Variants in IPO7 observed in about 807,000 individuals in gnomAD.
The protein encoded by IPO7 is importin 7, also known as importin-7.
Under a neutral mutation model 136.4 loss-of-function variants are expected in IPO7, and 13 were observed. The observed-to-expected ratio is 0.10, with a 90% confidence interval of 0.06 to 0.15. The LOEUF is 0.15. Ranked by LOEUF, IPO7 falls within the 10% of genes least tolerant of loss-of-function variation. The probability of loss-of-function intolerance (pLI) is 1.00; values close to 1 mark genes in which losing one functional copy is unlikely to be tolerated. For synonymous variants in IPO7, 403 were observed against 404.4 expected (o/e 1.00, Z 0.04); for missense variants, 857 against 1,240.6 (o/e 0.69, Z 4.65).
chr11:9,418,353 G>A (rs1244764899), intron 6 of IPO7, among the ~76,000 whole-genome samples: 1 of 152,126 alleles, frequency 6.6e-6, no homozygotes, highest in African/African-American at 2.4e-5. Context: ...ACAGGTGTGA[G>A]CCACCGTGCC....
chr11:9,436,286 G>T lies in IPO7; in HGVS notation c.2188G>T (p.Ala730Ser). Residue 730 changes from alanine to serine, a missense_variant, in exon 20 of 25, where the codon GCA (alanine) becomes TCA (serine). Ala to Ser is a moderately conservative substitution (Grantham distance 99). Around this residue, in one of 11 missense-constraint regions of IPO7, gnomAD observed 190 missense variants for 249.0 expected, o/e 0.76. Transcript: ENST00000379719. ...SMCKKVLTGV[A>S]GEDAECHAAK... The stretch of plus-strand genomic sequence containing the variant: ...TTTTGATCAGGTTCTTACAGGAGTT[G>T]CAGGAGAAGATGCAGAGTGTCATGC... 2 of 1,612,990 alleles carry T rather than the reference G, an allele frequency of 1.2e-6. No individual in the cohort carries two copies.
chr11:9,406,731 G>T (rs564720493), intron 2 of IPO7, among the ~76,000 whole-genome samples: 6 of 152,060 alleles, frequency 3.9e-5, no homozygotes, highest in Middle Eastern at 3.4e-3. Context: ...AAATTAGCCG[G>T]GTGGTAGTGG....
intron 1 of IPO7, among the ~76,000 whole-genome samples, chr11:9,402,156 C>CT (rs1051873213): frequency 6.6e-6 from 1 of 152,078 alleles, no homozygotes; most frequent in African/African-American, 2.4e-5. Context: ...AATCCCAACA[C>CT]TTTGGGAGGC....
intron 19 of IPO7, among the ~76,000 whole-genome samples, chr11:9,435,934 G>A (rs182404509): frequency 3.3e-5 from 5 of 152,268 alleles, no homozygotes; most frequent in African/African-American, 1.2e-4. Flanking sequence ...CGTGAGAAAG[G>A]TTAGGTGTTT....
At chr11:9,443,833 T>G (rs951913678) in intron 24 of IPO7, among the ~76,000 whole-genome samples, 2 of 149,228 alleles carry the variant, frequency 1.3e-5, no homozygotes, top group Non-Finnish European at 3.0e-5. Flanking sequence ...GTGGGAGGTG[T>G]AGGTTATAGT....
chr11:9,421,086 C>T (rs565223174), intron 8 of IPO7, among the ~76,000 whole-genome samples: 5 of 152,010 alleles, frequency 3.3e-5, no homozygotes, highest in East Asian at 2.0e-4. Flanking sequence ...ATCAGCCTCC[C>T]GAGTAGCTGG....
intron 1 of IPO7, among the ~76,000 whole-genome samples, chr11:9,402,401 A>G (rs1854812159): frequency 6.3e-5 from 2 of 31,562 alleles, no homozygotes; most frequent in Non-Finnish European, 1.8e-4. Flanking sequence ...CTGTGTCTCA[A>G]AAAAAAAAAA....
intron 1 of IPO7, among the ~76,000 whole-genome samples, chr11:9,387,898 A>C (rs1854573823): frequency 6.6e-6 from 1 of 151,196 alleles, no homozygotes; most frequent in Non-Finnish European, 1.5e-5. Flanking sequence ...CTGGAATTCC[A>C]GCACTTTGGG....
intron 22 of IPO7, 63 bp downstream of exon 22, chr11:9,438,348 C>A (rs758383282): frequency 2.8e-6 from 3 of 1,063,130 alleles, no homozygotes; most frequent in Non-Finnish European, 4.3e-6. Context: ...CGCACTGGGC[C>A]GGGCGCAGTG....
In IPO7 at chr11:9,447,336, TATA is replaced by T. The variant is rs2133772446; in HGVS notation, c.*2145_*2147del. ...ACATGTTTTATTGTCTCCTGTGTCA[TATA>T]ATCCAAACTAATCTCCGTTTACAGA... is the stretch of plus-strand genomic sequence containing the variant. On this transcript the variant is annotated 3_prime_UTR_variant, in exon 25 of 25. Transcript: ENST00000379719. The T allele has an allele frequency of 6.6e-6, 1 of 152,330 alleles. No homozygotes were observed. Among genetic ancestry groups the T allele is most frequent in the Non-Finnish European group, 1.5e-5 (1 of 68,012 alleles). 9.4% of individuals were successfully genotyped at this position (152,330 alleles called of 1,614,324 possible).
chr11:9,415,304 A>G (rs1855025000), intron 5 of IPO7, among the ~76,000 whole-genome samples: 1 of 150,452 alleles, frequency 6.6e-6, no homozygotes, highest in African/African-American at 2.4e-5. Context: ...CCTGGGCAAC[A>G]AGAGCAAAAC....
At chr11:9,413,684 T>C (rs1406711632) in intron 4 of IPO7, among the ~76,000 whole-genome samples, 1 of 151,874 alleles carries the variant, frequency 6.6e-6, no homozygotes, top group Non-Finnish European at 1.5e-5. Context: ...TTTGACCTCA[T>C]AATACATGTT....
chr11:9,432,282 A>T (rs1257618655), intron 16 of IPO7, among the ~76,000 whole-genome samples: 1 of 151,508 alleles, frequency 6.6e-6, no homozygotes, highest in Non-Finnish European at 1.5e-5. Flanking sequence ...GCTCACCGCA[A>T]CCTCTGCCTC....
At chr11:9,428,356 G>A (rs761586930) in intron 12 of IPO7, among the ~76,000 whole-genome samples, 184 bp from the exon 13 acceptor site, 11 of 152,208 alleles carry the variant, frequency 7.2e-5, no homozygotes, top group African/African-American at 2.4e-4. Flanking sequence ...ACGTGAAAAT[G>A]TGTTTAGTGG....
chr11:9,428,734 T>C, intron 13 of IPO7, 105 bp downstream of exon 13: 1 of 807,698 alleles, frequency 1.2e-6, no homozygotes, highest in Non-Finnish European at 2.2e-6. Flanking sequence ...GCCTGTGTCT[T>C]ATTTTAGGTT....
At chr11:9,439,282 A>G (rs943200999) in intron 22 of IPO7, among the ~76,000 whole-genome samples, 2 of 151,606 alleles carry the variant, frequency 1.3e-5, no homozygotes, top group African/African-American at 4.8e-5. Context: ...TGCCCAGCTT[A>G]TTTTTGTATT....
chr11:9,396,328 G>A (rs1386175025), intron 1 of IPO7, among the ~76,000 whole-genome samples: 2 of 152,070 alleles, frequency 1.3e-5, no homozygotes, highest in Admixed American at 6.5e-5. Flanking sequence ...CCTGGGAGGC[G>A]GAGGTTGCAG....
chr11:9,389,245 C>T (rs1345563905), intron 1 of IPO7, among the ~76,000 whole-genome samples: 9 of 151,938 alleles, frequency 5.9e-5, no homozygotes, highest in Admixed American at 2.0e-4. Flanking sequence ...GACGGGGTTT[C>T]GCCACATTGC....
At chr11:9,428,767 A>C (rs1184969926) in intron 13 of IPO7, 138 bp downstream of exon 13, 3 of 788,814 alleles carry the variant, frequency 3.8e-6, no homozygotes, top group Non-Finnish European at 7.0e-6. Context: ...AAATCTTTAC[A>C]TGGCTGCTGT....
Sources: allele counts gnomAD v4.1 joint callset (sites outside exome capture counted in the v4.1 genomes callset), GRCh38; gene constraint gnomAD v4.1.1; regional missense constraint gnomAD v4.1.1; transcripts MANE v1.5; gene names NCBI Gene and HGNC (gene_info 2026-07-23, HGNC 2026-07-21).